Variants in PPP2R5E observed in about 807,000 individuals in gnomAD.
The protein encoded by PPP2R5E is serine/threonine-protein phosphatase 2A 56 kDa regulatory subunit epsilon isoform.
PPP2R5E carries 4 observed loss-of-function variants against 65.3 expected under a neutral mutation model. The ratio of observed to expected loss-of-function variants is 0.06; its 90% CI spans 0.03 to 0.14. The LOEUF (loss-of-function observed/expected upper bound fraction) is 0.14, where lower values mean the gene tolerates loss of function less well. PPP2R5E is among the 10% of genes least tolerant of loss of function. The probability of loss-of-function intolerance (pLI) is 1.00; values close to 1 mark genes in which losing one functional copy is unlikely to be tolerated. For synonymous variants in PPP2R5E, 183 were observed against 187.4 expected (o/e 0.98, Z 0.19); for missense variants, 274 against 556.1 (o/e 0.49, Z 5.10).
intron 2 of PPP2R5E, among the ~76,000 whole-genome samples, chr14:63,468,955 A>C (rs1296343330): frequency 1.3e-5 from 2 of 152,178 alleles, no homozygotes; most frequent in African/African-American, 2.4e-5. Context: ...CTTAACTAAA[A>C]TTTTGCAAAC....
chr14:63,531,956 AAC>A (rs150782373), intron 2 of PPP2R5E, among the ~76,000 whole-genome samples: 2 of 150,924 alleles, frequency 1.3e-5, no homozygotes, highest in East Asian at 1.9e-4. Flanking sequence ...TCCATCTCAA[AAC>A]ACACACACAC....
intron 2 of PPP2R5E, among the ~76,000 whole-genome samples, chr14:63,484,480 A>AT (rs1300512241): frequency 1.3e-5 from 2 of 152,124 alleles, no homozygotes; most frequent in South Asian, 4.2e-4. Flanking sequence ...TATTATTAGT[A>AT]TTTTTTTCAT....
intron 2 of PPP2R5E, among the ~76,000 whole-genome samples, chr14:63,516,989 C>G (rs946166789): frequency 2.6e-5 from 4 of 152,062 alleles, no homozygotes; most frequent in Admixed American, 1.3e-4. Flanking sequence ...AAAACAAACA[C>G]TCACTTCCCT....
intron 5 of PPP2R5E, among the ~76,000 whole-genome samples, chr14:63,402,104 T>A (rs746672176): frequency 1.3e-5 from 2 of 152,226 alleles, no homozygotes; most frequent in African/African-American, 2.4e-5. Flanking sequence ...AATAATGGGA[T>A]GAAATAAAAC....
At chr14:63,390,576 G>GTAGCA (rs1263289626) in intron 10 of PPP2R5E, among the ~76,000 whole-genome samples, 1 of 152,180 alleles carries the variant, frequency 6.6e-6, no homozygotes, top group Non-Finnish European at 1.5e-5. Context: ...CATATTTTGA[G>GTAGCA]ATGTATCTGG....
At chr14:63,499,287 A>T (rs1891734525) in intron 2 of PPP2R5E, among the ~76,000 whole-genome samples, 1 of 152,244 alleles carries the variant, frequency 6.6e-6, no homozygotes, top group Non-Finnish European at 1.5e-5. Context: ...TGACAGCAGA[A>T]ATGTAAAAAT....
At chr14:63,448,587 G>A (rs1264719766) in intron 3 of PPP2R5E, among the ~76,000 whole-genome samples, 7 of 151,796 alleles carry the variant, frequency 4.6e-5, no homozygotes, top group South Asian at 2.1e-4. Context: ...TCAGGAGTTC[G>A]AGACTAGCCT....
intron 2 of PPP2R5E, among the ~76,000 whole-genome samples, chr14:63,499,027 G>C (rs371468860): frequency 6.6e-6 from 1 of 152,050 alleles, no homozygotes; most frequent in Non-Finnish European, 1.5e-5. Context: ...ATCAAAATTA[G>C]TCATGAAAAT....
intron 2 of PPP2R5E, among the ~76,000 whole-genome samples, chr14:63,498,383 T>C (rs955548394): frequency 2.3e-4 from 35 of 150,498 alleles, no homozygotes; most frequent in African/African-American, 8.4e-4. Context: ...TTTCTTTTCT[T>C]TTTTTCTTTT....
chr14:63,427,217 C>T (rs1193223728), intron 3 of PPP2R5E, among the ~76,000 whole-genome samples: 1 of 152,182 alleles, frequency 6.6e-6, no homozygotes, highest in African/African-American at 2.4e-5. Flanking sequence ...AAAATGCATT[C>T]AGGTATTTCC....
intron 11 of PPP2R5E, among the ~76,000 whole-genome samples, chr14:63,385,429 C>G (rs1884604294): frequency 6.6e-6 from 1 of 152,226 alleles, no homozygotes; most frequent in East Asian, 1.9e-4. Context: ...TAATTCTGCC[C>G]ATGTCATCTG....
chr14:63,392,946 C>T (rs1885107834), intron 8 of PPP2R5E, among the ~76,000 whole-genome samples: 1 of 151,022 alleles, frequency 6.6e-6, no homozygotes, highest in Non-Finnish European at 1.5e-5. Flanking sequence ...AGTGTTAGCA[C>T]AAAAATTAGA....
intron 13 of PPP2R5E, 92 bp from the exon 14 acceptor site, chr14:63,376,200 TA>T (rs1319375403): frequency 7.2e-6 from 6 of 836,598 alleles, no homozygotes; most frequent in Admixed American, 2.8e-5. Flanking sequence ...AACACTCCTT[TA>T]TACTTAGCTT....
intron 1 of PPP2R5E, among the ~76,000 whole-genome samples, 171 bp from the exon 2 acceptor site, chr14:63,539,863 C>T (rs1166861288): frequency 6.6e-6 from 1 of 152,180 alleles, no homozygotes; most frequent in Non-Finnish European, 1.5e-5. Flanking sequence ...CAATGGCTCA[C>T]GCCTGTAATC....
At chr14:63,385,679 A>AG (rs1884621465) in intron 11 of PPP2R5E, among the ~76,000 whole-genome samples, 1 of 151,982 alleles carries the variant, frequency 6.6e-6, no homozygotes, top group African/African-American at 2.4e-5. Context: ...CCACCATCCC[A>AG]GAAGGAGATA....
Position 63,393,823 on chromosome 14 carries a change from T to C in PPP2R5E, c.846A>G (p.Ala282=). 1 of 1,576,778 alleles carries C rather than the reference T, an allele frequency of 6.3e-7. No individual in the cohort carries two copies. The highest frequency in any genetic ancestry group is 8.7e-7 in the Non-Finnish European group (1 of 1,148,102). Reference sequence around the variant, plus strand: ...TAGTTGTACAAAATCCTCCTACCTGTGCATGGAAGAGTGATAAGCTCCTGA... The same window carrying C: ...TAGTTGTACAAAATCCTCCTACCTGCGCATGGAAGAGTGATAAGCTCCTGA... ...HTVRSLSLFH[A]QLAYCIVQFL... is the part of the protein sequence containing the mutation. The change falls in exon 8 of 14, where the codon GCA becomes GCG. Residue 282 remains alanine (A), a synonymous_variant. Coordinates refer to ENST00000337537, the MANE Select transcript of PPP2R5E (RefSeq NM_006246.5).
intron 12 of PPP2R5E, 77 bp downstream of exon 12, chr14:63,384,367 C>T: frequency 6.6e-7 from 1 of 1,506,024 alleles, no homozygotes. Flanking sequence ...AGGACAGCAT[C>T]TGGCACATAA....
At chr14:63,493,206 G>C (rs1172634687) in intron 2 of PPP2R5E, among the ~76,000 whole-genome samples, 1 of 151,050 alleles carries the variant, frequency 6.6e-6, no homozygotes, top group Non-Finnish European at 1.5e-5. Context: ...TGGTTTGGTG[G>C]GTTGTTTTTT....
chr14:63,448,025 C>T (rs751413679), intron 3 of PPP2R5E, among the ~76,000 whole-genome samples: 2 of 152,148 alleles, frequency 1.3e-5, no homozygotes, highest in Admixed American at 6.5e-5. Context: ...AGGTCGGGCG[C>T]GGTGGCTCAC....
Sources: allele counts gnomAD v4.1 joint callset (sites outside exome capture counted in the v4.1 genomes callset), GRCh38; gene constraint gnomAD v4.1.1; transcripts MANE v1.5; gene names NCBI Gene and HGNC (gene_info 2026-07-23, HGNC 2026-07-21).